Variants in CEP126 observed in about 807,000 individuals in gnomAD.
CEP126 encodes centrosomal protein of 126 kDa.
Under a neutral mutation model 107.8 loss-of-function variants are expected in CEP126, and 74 were observed. That is an observed-to-expected ratio of 0.69 (90% confidence interval 0.57 to 0.83). CEP126 has a LOEUF of 0.83. Among genes scored for constraint, CEP126 ranks in the 40% least tolerant of loss-of-function variants. The pLI is 0.00. For missense variants in CEP126, 1,237 were observed against 1,281.9 expected, an observed-to-expected ratio of 0.96 and a Z score of 0.53; for synonymous variants, 449 against 446.0, an observed-to-expected ratio of 1.01 and a Z score of -0.08.
chr11:101,940,367 A>T lies in CEP126; in HGVS notation c.249-3898A>T, dbSNP rs770981965. Among the ~76,000 whole-genome samples the T allele has an allele frequency of 2.6e-5, 4 of 152,220 alleles. 1 individual carries two copies. Among genetic ancestry groups the T allele is most frequent in the Non-Finnish European group, 5.9e-5 (4 of 68,010 alleles). On this transcript the variant is annotated intron_variant, in intron 2 of 10. Coordinates refer to ENST00000263468, the MANE Select transcript of CEP126 (RefSeq NM_020802.4). The stretch of plus-strand genomic sequence containing the variant: ...ATGCATGTAATCCTTTTAAAATAAC[A>T]TAAAGAAGAAAACAAACAATTTTTG...
chr11:101,974,368 G>T (rs1180968532), intron 6 of CEP126, among the ~76,000 whole-genome samples: 1 of 152,118 alleles, frequency 6.6e-6, no homozygotes, highest in Non-Finnish European at 1.5e-5. Flanking sequence ...AAGCCTAAGA[G>T]ATATGATAGC....
intron 1 of CEP126, chr11:101,915,915 T>A (rs1286624288): frequency 6.6e-6 from 1 of 152,366 alleles, no homozygotes; most frequent in East Asian, 1.9e-4. Flanking sequence ...CTCTGCCCAG[T>A]CTGTTGTCAG....
At chr11:101,984,472 A>C (rs1429819277) in intron 8 of CEP126, among the ~76,000 whole-genome samples, 4 of 152,240 alleles carry the variant, frequency 2.6e-5, no homozygotes, top group Non-Finnish European at 4.4e-5. Flanking sequence ...ATTAACATCG[A>C]TAATAAGACT....
intron 1 of CEP126, among the ~76,000 whole-genome samples, chr11:101,917,170 A>G (rs1479344886): frequency 6.6e-6 from 1 of 151,974 alleles, no homozygotes; most frequent in Non-Finnish European, 1.5e-5. Context: ...TTATTTTTGA[A>G]CATAATAAAG....
At position 101,963,438 on chromosome 11, in the gene CEP126, T is replaced by C. The variant is rs1019837335; in HGVS notation, c.2403T>C (p.Cys801=). ...TQAQGKLIIP[C]PPPQSTSNIR... is the part of the protein sequence containing the mutation. The stretch of plus-strand genomic sequence containing the variant: ...CTCAGGGAAAATTAATTATACCTTG[T>C]CCTCCTCCTCAATCTACATCAAATA... The change falls in exon 6 of 11, where the codon TGT becomes TGC. Residue 801 remains cysteine, a synonymous_variant. Transcript: ENST00000263468. 2.6e-5 allele frequency: 42 copies of C among 1,613,964 alleles called. No homozygotes were observed. Among genetic ancestry groups the C allele is most frequent in the Non-Finnish European group, 3.5e-5 (41 of 1,179,994 alleles).
intron 10 of CEP126, among the ~76,000 whole-genome samples, chr11:101,993,473 A>G (rs1163079965): frequency 6.6e-6 from 1 of 152,126 alleles, no homozygotes; most frequent in Non-Finnish European, 1.5e-5. Flanking sequence ...ATGGGCATTT[A>G]GGTTGATTCC....
chr11:101,987,610 G>A (rs1941330416), intron 9 of CEP126, among the ~76,000 whole-genome samples: 1 of 151,314 alleles, frequency 6.6e-6, no homozygotes. Context: ...CCGAAGAGCT[G>A]TGCACTACAC....
rs748048053 is a variant in CEP126 at position 101,915,366 on chromosome 11, C to T, written c.82C>T (p.Leu28Phe). The part of the protein sequence containing the change: ...ESSDNLDRAP[L>F]GPRESGGHHR... ...ATCGGACAACCTCGACAGAGCCCCC[C>T]TCGGCCCTCGGGAGAGCGGCGGGCA... is the stretch of plus-strand genomic sequence containing the variant. Residue 28 changes from leucine (L) to phenylalanine (F), a missense_variant, in exon 1 of 11, where the codon CTC (leucine) becomes TTC (phenylalanine). Transcript: ENST00000263468. The T allele has an allele frequency of 5.6e-6, 9 of 1,613,984 alleles. No individual in the cohort carries two copies. The East Asian group carries it at 2.0e-4, about 36-fold the overall frequency.
At chr11:101,919,158 T>G (rs1940282282) in intron 1 of CEP126, among the ~76,000 whole-genome samples, 1 of 152,008 alleles carries the variant, frequency 6.6e-6, no homozygotes, top group Non-Finnish European at 1.5e-5. Context: ...AGGTTTAGAG[T>G]AAGAAGAATT....
At chr11:101,979,154 C>G (rs1941227234) in intron 7 of CEP126, among the ~76,000 whole-genome samples, 2 of 151,772 alleles carry the variant, frequency 1.3e-5, no homozygotes. Flanking sequence ...AAAAAGCATG[C>G]TAATCATAAA....
intron 2 of CEP126, among the ~76,000 whole-genome samples, chr11:101,930,285 C>T (rs1940476032): frequency 6.6e-6 from 1 of 152,186 alleles, no homozygotes; most frequent in Non-Finnish European, 1.5e-5. Flanking sequence ...TGCATATAAT[C>T]TACACACATC....
chr11:101,970,123 G>A (rs1256351627), intron 6 of CEP126, among the ~76,000 whole-genome samples: 2 of 152,086 alleles, frequency 1.3e-5, no homozygotes, highest in African/African-American at 4.8e-5. Context: ...AGATTGAAAA[G>A]GCAAATCACA....
rs10641795 is a variant in CEP126, at chr11:101,998,592, C to CAAAAAAAAAAAAAAAAA, written c.*951_*967dup. 1.7e-5 allele frequency: 1 copy of CAAAAAAAAAAAAAAAAA among 57,434 alleles called. No homozygotes were observed. Among genetic ancestry groups the CAAAAAAAAAAAAAAAAA allele is most frequent in the Non-Finnish European group, 2.8e-5 (1 of 35,580 alleles). 3.6% of individuals were successfully genotyped at this position (57,434 alleles called of 1,614,324 possible). A position where few individuals can be genotyped will look rare whatever the true frequency, so the allele number is the denominator to read the frequency against. On this transcript the variant is annotated 3_prime_UTR_variant, in exon 11 of 11. Transcript: ENST00000263468. ...TGGGTGACAGTGTGAGACCCAGCCT[C>CAAAAAAAAAAAAAAAAA]AAAAAAAAAAAAAAAAAAGTGATGA...
intron 7 of CEP126, among the ~76,000 whole-genome samples, chr11:101,980,047 T>C (rs1941238465): frequency 6.6e-6 from 1 of 152,178 alleles, no homozygotes; most frequent in South Asian, 2.1e-4. Context: ...CTGATTTTTA[T>C]ATGGATAAGA....
At chr11:101,917,715 T>C (rs138504361) in intron 1 of CEP126, among the ~76,000 whole-genome samples, 3 of 151,918 alleles carry the variant, frequency 2.0e-5, no homozygotes, top group Non-Finnish European at 4.4e-5. Flanking sequence ...CCACCTTGCC[T>C]CTCCTTTCCT....
At chr11:101,922,992 C>A (rs1008308632) in intron 2 of CEP126, among the ~76,000 whole-genome samples, 9 of 152,066 alleles carry the variant, frequency 5.9e-5, no homozygotes, top group Non-Finnish European at 8.8e-5. Context: ...TGTCATAGAA[C>A]AGCTTATTGC....
At chr11:101,990,655 T>TA (rs1356925512) in intron 9 of CEP126, among the ~76,000 whole-genome samples, 2 of 151,938 alleles carry the variant, frequency 1.3e-5, no homozygotes, top group Non-Finnish European at 2.9e-5. Context: ...ACAGAAAAAT[T>TA]ACCGTACTTC....
intron 1 of CEP126, among the ~76,000 whole-genome samples, chr11:101,920,791 A>G (rs915508449): frequency 6.6e-5 from 10 of 151,962 alleles, no homozygotes; most frequent in Non-Finnish European, 4.4e-5. Flanking sequence ...TTTTTTGTAG[A>G]GCCGGGGTTT....
At chr11:101,924,970 A>C (rs1330471873) in intron 2 of CEP126, among the ~76,000 whole-genome samples, 1 of 152,022 alleles carries the variant, frequency 6.6e-6, no homozygotes, top group Non-Finnish European at 1.5e-5. Context: ...TTTTTCTTGC[A>C]TTGTATGCTT....
Sources: allele counts gnomAD v4.1 joint callset (sites outside exome capture counted in the v4.1 genomes callset), GRCh38; gene constraint gnomAD v4.1.1; transcripts MANE v1.5; gene names NCBI Gene and HGNC (gene_info 2026-07-23, HGNC 2026-07-21).